Variants in MCFD2 observed in about 807,000 individuals in gnomAD.
The protein encoded by MCFD2 is multiple coagulation factor deficiency protein 2.
In MCFD2, 11 loss-of-function variants were observed where a neutral mutation model predicts 12.8. The ratio of observed to expected loss-of-function variants is 0.86; its 90% confidence interval spans 0.54 to 1.42. MCFD2 has a LOEUF of 1.42. Among genes scored for constraint, MCFD2 ranks in the 40% most tolerant of loss-of-function variants. The pLI is 0.00. For synonymous variants in MCFD2, 70 were observed against 68.1 expected (o/e 1.03, Z -0.14); for missense variants, 191 against 178.6 (o/e 1.07, Z -0.40).
rs866895010 is a variant in MCFD2, at chr2:46,926,373, G to T, written c.-8+15199C>A. Among the ~76,000 whole-genome samples, 3 of 152,342 alleles carry T rather than the reference G, an allele frequency of 2.0e-5. No individual in the cohort carries two copies. The South Asian group carries it at 6.2e-4, about 32-fold the overall frequency. On this transcript the variant is annotated intron_variant, in intron 1 of 2. Transcript: ENST00000409147. ...TCAAGATACAGTCTAGATGGGGAGA[G>T]AATGTAAAATAATATGGTAAATGGT...
chr2:46,922,892 C>G (rs554450208), intron 1 of MCFD2, among the ~76,000 whole-genome samples: 2 of 152,202 alleles, frequency 1.3e-5, no homozygotes, highest in African/African-American at 4.8e-5. Flanking sequence ...ACAGCCCTCT[C>G]TTTCCCACCA....
chr2:46,928,733 G>A (rs754899326), intron 1 of MCFD2, among the ~76,000 whole-genome samples: 2 of 151,564 alleles, frequency 1.3e-5, no homozygotes, highest in African/African-American at 4.9e-5. Context: ...TTGCACTACT[G>A]CACTCCAGCG....
At chr2:46,914,634 T>C (rs1157826271) in intron 1 of MCFD2, among the ~76,000 whole-genome samples, 1 of 152,216 alleles carries the variant, frequency 6.6e-6, no homozygotes, top group Non-Finnish European at 1.5e-5. Context: ...AAGATAGTAC[T>C]ATGACCTCGA....
intron 1 of MCFD2, among the ~76,000 whole-genome samples, chr2:46,921,394 C>A (rs1669095247): frequency 6.6e-6 from 1 of 152,000 alleles, no homozygotes; most frequent in Non-Finnish European, 1.5e-5. Flanking sequence ...CTTAAAATAC[C>A]ATTATAATAG....
intron 1 of MCFD2, among the ~76,000 whole-genome samples, chr2:46,927,731 C>G (rs932729278): frequency 1.3e-5 from 2 of 151,934 alleles, no homozygotes. Flanking sequence ...AGCCAGAAAA[C>G]AGTATATCTT....
At chr2:46,916,970 G>C (rs1233299571), upstream of MCFD2, among the ~76,000 whole-genome samples, 2 of 150,518 alleles carry the variant, frequency 1.3e-5, no homozygotes, top group Admixed American at 6.6e-5. Context: ...TCCCATTTCT[G>C]TCCATAAAGG....
rs1339503605 is a variant in MCFD2 at position 46,903,001 on chromosome 2, G to A, written c.*2462C>T. On this transcript the variant is annotated 3_prime_UTR_variant, in exon 4 of 4. Transcript: ENST00000319466. ...AATTATCTAATATTCTTGAAAGGATGCTGATATGGTTTGGTTGTGTCCCCC... is the reference window on the plus strand; with the variant it reads ...AATTATCTAATATTCTTGAAAGGATACTGATATGGTTTGGTTGTGTCCCCC... 1 of 152,194 alleles carries A rather than the reference G, an allele frequency of 6.6e-6. No homozygotes were observed. The highest frequency in any genetic ancestry group is 1.5e-5 in the Non-Finnish European group (1 of 68,040). 9.4% of individuals were successfully genotyped at this position (152,194 alleles called of 1,614,324 possible).
rs776901670 is a variant in MCFD2 at position 46,907,831 on chromosome 2, G to A, written c.288C>T (p.Ala96=). 4 of 1,614,154 alleles carry A rather than the reference G, an allele frequency of 2.5e-6. No homozygotes were observed. Among genetic ancestry groups the A allele is most frequent in the Non-Finnish European group, 3.4e-6 (4 of 1,180,012 alleles). The change falls in exon 3 of 4, where the codon GCC becomes GCT. Residue 96 remains alanine, a synonymous_variant. Transcript: ENST00000319466. This position sits in a 1 kb window ranked among gnomAD's most constrained non-coding sequence, Gnocchi z 4.1. ...CTACCTCCTTATGGACATGAGTGAT[G>A]GCTGTGGAGAGTTCTAAGCCATCAA... The part of the protein sequence containing the change: ...NLLDGLELST[A]ITHVHKEEGS...
intron 1 of MCFD2, among the ~76,000 whole-genome samples, chr2:46,914,919 G>A (rs186925600): frequency 3.3e-5 from 5 of 152,322 alleles, no homozygotes; most frequent in Admixed American, 1.3e-4. Context: ...GTTAAAGGAA[G>A]ACAGGTCATG....
upstream of MCFD2, chr2:46,917,247 C>A (rs571422859): frequency 4.3e-6 from 3 of 700,248 alleles, no homozygotes; most frequent in East Asian, 8.1e-5. Context: ...CTCCCACCAC[C>A]TCCGCCTCCC....
In MCFD2 at chr2:46,907,819, G is replaced by C; in HGVS notation, c.300C>G (p.Val100=). Residue 100 remains valine (V), a synonymous_variant, in exon 3 of 4, where the codon GTC becomes GTG. Transcript: ENST00000319466. This position sits in a 1 kb window ranked among gnomAD's most constrained non-coding sequence, Gnocchi z 4.1. ...CCACTGCCAGACCTACCTCCTTATG[G>C]ACATGAGTGATGGCTGTGGAGAGTT... is the stretch of plus-strand genomic sequence containing the variant. ...GLELSTAITH[V]HKEEGSEQAP... 2 of 1,614,146 alleles carry C rather than the reference G, an allele frequency of 1.2e-6. No individual in the cohort carries two copies. Among genetic ancestry groups the C allele is most frequent in the Non-Finnish European group, 1.7e-6 (2 of 1,180,016 alleles).
chr2:46,916,128 C>G, upstream of MCFD2: 1 of 985,540 alleles, frequency 1.0e-6, no homozygotes, highest in African/African-American at 1.7e-5. Context: ...GGGCGGACCC[C>G]AAAGCTGGCT....
Position 46,902,159 on chromosome 2 carries a change from A to G in MCFD2, c.*3304T>C, listed in dbSNP as rs1165708345. ...CATCACATCCAATAAACCAAATTAC[A>G]ATCTGCTGCTTCTTCTCATTTTCAA... On this transcript the variant is annotated 3_prime_UTR_variant, in exon 4 of 4. Coordinates refer to ENST00000319466, the MANE Select transcript of MCFD2 (RefSeq NM_139279.6). The G allele has an allele frequency of 6.6e-6, 1 of 152,628 alleles. No homozygotes were observed. The highest frequency in any genetic ancestry group is 2.4e-5 in the African/African-American group (1 of 41,450). 9.5% of individuals were successfully genotyped at this position (152,628 alleles called of 1,614,324 possible).
At chr2:46,911,100 A>C (rs1274408522) in intron 1 of MCFD2, among the ~76,000 whole-genome samples, 3 of 152,148 alleles carry the variant, frequency 2.0e-5, no homozygotes, top group African/African-American at 7.2e-5. Flanking sequence ...AGTGACATCA[A>C]AATGCAATCT....
In MCFD2 at chr2:46,908,037, CTGAAAAGTTCA is replaced by C; in HGVS notation, c.150-79_150-69del. 6.3e-7 allele frequency: 1 copy of C among 1,577,284 alleles called. No homozygotes were observed. Among genetic ancestry groups the C allele is most frequent in the Non-Finnish European group, 8.7e-7 (1 of 1,153,258 alleles). ...GGATCATGCTGAAATCTTAAGGACT[CTGAAAAGTTCA>C]AGATCTTAAACTTCCTCCAGCTCAG... is the stretch of plus-strand genomic sequence containing the variant. On this transcript the variant is annotated intron_variant, in intron 2 of 3. Coordinates refer to ENST00000319466, the MANE Select transcript of MCFD2 (RefSeq NM_139279.6). The surrounding 1 kb of genome is among the most constrained non-coding windows in gnomAD (Gnocchi z 4.5).
intron 1 of MCFD2, among the ~76,000 whole-genome samples, chr2:46,929,346 C>A (rs1297258172): frequency 9.9e-5 from 15 of 151,972 alleles, no homozygotes. Flanking sequence ...AACTACCTGG[C>A]TGTGGTGGTA....
Position 46,902,423 on chromosome 2 carries a change from A to G in MCFD2, c.*3040T>C, listed in dbSNP as rs576031270. On this transcript the variant is annotated 3_prime_UTR_variant, in exon 4 of 4. Coordinates refer to ENST00000319466, the MANE Select transcript of MCFD2 (RefSeq NM_139279.6). Reference sequence around the variant, plus strand: ...AGTCCTGACATTCCTAATAGTTCCTAAACTGCAAATAAAAAACCCTAGAAA... The same window carrying G: ...AGTCCTGACATTCCTAATAGTTCCTGAACTGCAAATAAAAAACCCTAGAAA... 6.5e-6 allele frequency: 1 copy of G among 152,762 alleles called. No individual in the cohort carries two copies. Among genetic ancestry groups the G allele is most frequent in the Non-Finnish European group, 1.5e-5 (1 of 68,032 alleles). The allele number at this position is 152,762 out of a possible 1,614,324, so 9.5% of individuals were successfully genotyped here. A position where few individuals can be genotyped will look rare whatever the true frequency, so the allele number is the denominator to read the frequency against.
At chr2:46,920,847 T>C (rs1459849567) in intron 1 of MCFD2, among the ~76,000 whole-genome samples, 1 of 152,018 alleles carries the variant, frequency 6.6e-6, no homozygotes, top group African/African-American at 2.4e-5. Flanking sequence ...AAAATGAAAA[T>C]GTGGCTGTCT....
rs565391402 is a variant in MCFD2 at position 46,923,966 on chromosome 2, C to G, written c.-7-15997G>C. Among the ~76,000 whole-genome samples, 5 of 152,080 alleles carry G rather than the reference C, an allele frequency of 3.3e-5. No individual in the cohort carries two copies. The East Asian group carries it at 9.7e-4, about 29-fold the overall frequency. On this transcript the variant is annotated intron_variant, in intron 1 of 2. Transcript: ENST00000409147. Reference sequence around the variant, plus strand: ...GGCCAGGCTGGTCTCGAACTCCTGACCTCAGGTGATCCACCCGCCTCGGCC... The same window carrying G: ...GGCCAGGCTGGTCTCGAACTCCTGAGCTCAGGTGATCCACCCGCCTCGGCC...
Sources: gnomAD v4.1 joint callset for allele counts (sites outside exome capture counted in the v4.1 genomes callset) on GRCh38, gnomAD v4.1.1 for gene constraint, Gnocchi (gnomAD v3.1) non-coding constraint, MANE v1.5 for transcripts, NCBI Gene and HGNC (gene_info 2026-07-23, HGNC 2026-07-21) for gene names.